Variants in OR3A1 observed in about 807,000 individuals in gnomAD.
OR3A1 encodes the protein olfactory receptor family 3 subfamily A member 1, also known as olfactory receptor 3A1.
For synonymous variants in OR3A1, 145 were observed against 160.0 expected, an observed-to-expected ratio of 0.91 and a Z score of 0.71; for missense variants, 402 against 393.8, an observed-to-expected ratio of 1.02 and a Z score of -0.18.
Position 3,292,598 on chromosome 17 carries a change from A to G in OR3A1, c.-6-10T>C, listed in dbSNP as rs2150622395. 1 of 1,575,906 alleles carries G rather than the reference A, an allele frequency of 6.3e-7. No homozygotes were observed. Among genetic ancestry groups the G allele is most frequent in the East Asian group, 2.2e-5 (1 of 44,488 alleles). On this transcript the variant is annotated splice_polypyrimidine_tract_variant and intron_variant, in intron 1 of 1. Coordinates refer to ENST00000323404, the MANE Select transcript of OR3A1 (RefSeq NM_002550.3). ...CTGGCTGCATGAGTTCCTGCAAAGA[A>G]ACATCCAGGGAGGAAAAGAATCACT... is the stretch of plus-strand genomic sequence containing the variant.
chr17:3,293,026 G>A (rs552007029), intron 1 of OR3A1, among the ~76,000 whole-genome samples: 1 of 152,110 alleles, frequency 6.6e-6, no homozygotes, highest in African/African-American at 2.4e-5. Context: ...ACTAGTAAGT[G>A]TCCACAACCC....
At chr17:3,292,869 A>G (rs1567544902) in intron 1 of OR3A1, among the ~76,000 whole-genome samples, 1 of 152,152 alleles carries the variant, frequency 6.6e-6, no homozygotes. Context: ...TGTAAAGATT[A>G]TGAAAGACAA....
Position 3,291,846 on chromosome 17 carries a change from G to T in OR3A1, c.737C>A (p.Ser246Tyr), listed in dbSNP as rs769108851. The change falls in exon 2 of 2, where the codon TCC (serine) becomes TAC (tyrosine). Residue 246 changes from serine (S) to tyrosine (Y), a missense_variant. Coordinates refer to ENST00000323404, the MANE Select transcript of OR3A1 (RefSeq NM_002550.3). ...GAATATGGCAACCACAGTGAGGTGG[G>T]AGCCACATGTGGAGAAGGCTTTCTT... ...GRKKAFSTCG[S>Y]HLTVVAIFYG... The T allele has an allele frequency of 2.5e-6, 4 of 1,614,060 alleles. No homozygotes were observed. The South Asian group carries it at 4.4e-5, about 18-fold the overall frequency.
At position 3,291,798 on chromosome 17, in the gene OR3A1, T is replaced by C. The variant is rs762486329; in HGVS notation, c.785A>G (p.Tyr262Cys). 15 of 1,613,722 alleles carry C rather than the reference T, an allele frequency of 9.3e-6. No homozygotes were observed. The highest frequency in any genetic ancestry group is 1.3e-5 in the African/African-American group (1 of 75,040). ...AIFYGSGIFNYMRLGSTKLSD... is the reference protein window; with the variant it reads ...AIFYGSGIFNCMRLGSTKLSD... Reference sequence around the variant, plus strand: ...AAGCTTGGTTGAACCCAGTCGCATATAGTTAAAGATACCTGAACCATAGAA... The same window carrying C: ...AAGCTTGGTTGAACCCAGTCGCATACAGTTAAAGATACCTGAACCATAGAA... Residue 262 changes from tyrosine (Y) to cysteine (C), a missense_variant, in exon 2 of 2, where the codon TAT (tyrosine) becomes TGT (cysteine). Tyr to Cys is a radical substitution (Grantham distance 194, BLOSUM62 -2). Coordinates refer to ENST00000323404, the MANE Select transcript of OR3A1 (RefSeq NM_002550.3).
rs767101570 is a variant in OR3A1, at chr17:3,292,494, A to G, written c.89T>C (p.Val30Ala). The change falls in exon 2 of 2, where the codon GTC becomes GCC. Residue 30 changes from valine to alanine, a missense_variant. Val to Ala is a moderately conservative substitution (Grantham distance 64, BLOSUM62 0). Transcript: ENST00000323404. ...GTAGGCAAAGAGGAAGAGCACAAAGACAACTGGCTGCAGCCCTGGCGCCTC... is the reference window on the plus strand; with the variant it reads ...GTAGGCAAAGAGGAAGAGCACAAAGGCAACTGGCTGCAGCCCTGGCGCCTC... ...LLEAPGLQPV[V>A]FVLFLFAYLV... 29 of 1,613,764 alleles carry G rather than the reference A, an allele frequency of 1.8e-5. No homozygotes were observed. Among genetic ancestry groups the G allele is most frequent in the Non-Finnish European group, 2.5e-5 (29 of 1,179,978 alleles).
Position 3,292,451 on chromosome 17 carries a change from G to A in OR3A1, c.132C>T (p.Gly44=), listed in dbSNP as rs756598283. Residue 44 remains glycine (G), a synonymous_variant, in exon 2 of 2, where the codon GGC becomes GGT. Transcript: ENST00000323404. The stretch of plus-strand genomic sequence containing the variant: ...AGACAGCTGCCAGGATGCTGAGGTT[G>A]CCCCTGACCGTGACCAGGTAGGCAA... The part of the protein sequence containing the change: ...FLFAYLVTVR[G]NLSILAAVLV... 6.2e-6 allele frequency: 10 copies of A among 1,613,862 alleles called. No homozygotes were observed. Among genetic ancestry groups the A allele is most frequent in the Non-Finnish European group, 8.5e-6 (10 of 1,179,948 alleles).
At chr17:3,295,804 A>T (rs892760653) in intron 1 of OR3A1, among the ~76,000 whole-genome samples, 1 of 150,634 alleles carries the variant, frequency 6.6e-6, no homozygotes, top group African/African-American at 2.4e-5. Context: ...TTTGAATTCA[A>T]AAAAGTCAGT....
intron 1 of OR3A1, among the ~76,000 whole-genome samples, chr17:3,295,215 A>ATTT (rs2048909960): frequency 6.6e-6 from 1 of 152,158 alleles, no homozygotes; most frequent in South Asian, 2.1e-4. Flanking sequence ...CTATAGCTGA[A>ATTT]TGTTAAAAGA....
chr17:3,291,607 CAG>C lies in OR3A1; in HGVS notation c.*26_*27del. On this transcript the variant is annotated 3_prime_UTR_variant, in exon 2 of 2. Coordinates refer to ENST00000323404, the MANE Select transcript of OR3A1 (RefSeq NM_002550.3). ...AAGACTTTTCCTTTAGTACAAGACA[CAG>C]GGAGAAAGGGTCAATTGAGACCTCC... The C allele has an allele frequency of 6.5e-7, 1 of 1,531,894 alleles. No individual in the cohort carries two copies. The allele number at this position is 1,531,894 out of a possible 1,614,324, so 94.9% of individuals were successfully genotyped here. A position where few individuals can be genotyped will look rare whatever the true frequency, so the allele number is the denominator to read the frequency against.
At chr17:3,293,600 A>G (rs1295757281) in intron 1 of OR3A1, among the ~76,000 whole-genome samples, 2 of 152,192 alleles carry the variant, frequency 1.3e-5, no homozygotes, top group African/African-American at 4.8e-5. Context: ...AAGAAAAAAG[A>G]GGTAAATAAA....
At chr17:3,295,217 G>A (rs2048909990) in intron 1 of OR3A1, among the ~76,000 whole-genome samples, 1 of 152,054 alleles carries the variant, frequency 6.6e-6, no homozygotes, top group South Asian at 2.1e-4. Flanking sequence ...ATAGCTGAAT[G>A]TTAAAAGATA....
chr17:3,298,023 T>C (rs1267278967), intron 1 of OR3A1, among the ~76,000 whole-genome samples: 1 of 152,092 alleles, frequency 6.6e-6, no homozygotes, highest in Non-Finnish European at 1.5e-5. Flanking sequence ...GATGGGGTGG[T>C]TCTGAGGACT....
Position 3,292,704 on chromosome 17 carries a change from C to T in OR3A1, c.-6-116G>A, listed in dbSNP as rs923285689. ...GGCCCTCTGCCACGTTCCCTCTGTA[C>T]AAGTAAGGAATTTTGCGCTCCTTAG... On this transcript the variant is annotated intron_variant, in intron 1 of 1. Transcript: ENST00000323404. The T allele has an allele frequency of 1.8e-5, 15 of 828,882 alleles. No individual in the cohort carries two copies. The African/African-American group carries it at 2.1e-4, about 11-fold the overall frequency. The allele number at this position is 828,882 out of a possible 1,614,324, so 51.3% of individuals were successfully genotyped here.
rs1024636533 is a variant in OR3A1, at chr17:3,291,576, C to G, written c.*59G>C. The stretch of plus-strand genomic sequence containing the variant: ...GAACCATTTTTTTCCTAGTTTCTGG[C>G]TCTAGAAGACTTTTCCTTTAGTACA... On this transcript the variant is annotated 3_prime_UTR_variant, in exon 2 of 2. Transcript: ENST00000323404. 48 of 1,390,298 alleles carry G rather than the reference C, an allele frequency of 3.5e-5. No homozygotes were observed. Among genetic ancestry groups the G allele is most frequent in the Middle Eastern group, 2.0e-4 (1 of 5,106 alleles). 86.1% of individuals were successfully genotyped at this position (1,390,298 alleles called of 1,614,324 possible). A position where few individuals can be genotyped will look rare whatever the true frequency, so the allele number is the denominator to read the frequency against.
In OR3A1 at chr17:3,292,515, G is replaced by A. The variant is rs778267515; in HGVS notation, c.68C>T (p.Ala23Val). Reference protein sequence around the residue: ...AEFILLGLLEAPGLQPVVFVL... With the variant: ...AEFILLGLLEVPGLQPVVFVL... The stretch of plus-strand genomic sequence containing the variant: ...AAAGACAACTGGCTGCAGCCCTGGC[G>A]CCTCCAGCAAGCCCAGCAGGATGAA... Residue 23 changes from alanine (A) to valine (V), a missense_variant, in exon 2 of 2, where the codon GCG becomes GTG. Ala to Val is a moderately conservative substitution (Grantham distance 64). Transcript: ENST00000323404. 2.7e-5 allele frequency: 44 copies of A among 1,613,770 alleles called. No homozygotes were observed. Among genetic ancestry groups the A allele is most frequent in the South Asian group, 2.6e-4 (24 of 91,076 alleles).
chr17:3,293,687 C>A (rs539398724), intron 1 of OR3A1, among the ~76,000 whole-genome samples: 2 of 152,178 alleles, frequency 1.3e-5, no homozygotes, highest in Admixed American at 6.5e-5. Context: ...TGTTACCTGG[C>A]AAAGACATGG....
In OR3A1 at chr17:3,291,600, C is replaced by G. The variant is rs371054292; in HGVS notation, c.*35G>C. On this transcript the variant is annotated 3_prime_UTR_variant, in exon 2 of 2. Coordinates refer to ENST00000323404, the MANE Select transcript of OR3A1 (RefSeq NM_002550.3). The stretch of plus-strand genomic sequence containing the variant: ...GCTCTAGAAGACTTTTCCTTTAGTA[C>G]AAGACACAGGGAGAAAGGGTCAATT... The G allele has an allele frequency of 2.0e-6, 3 of 1,512,922 alleles. No homozygotes were observed. The Admixed American group carries it at 6.1e-5, about 31-fold the overall frequency. 93.7% of individuals were successfully genotyped at this position (1,512,922 alleles called of 1,614,324 possible).
At position 3,291,232 on chromosome 17, in the gene OR3A1, G is replaced by C. The variant is rs543183578; in HGVS notation, c.*403C>G. The C allele has an allele frequency of 1.2e-5, 2 of 171,016 alleles. No individual in the cohort carries two copies. Among genetic ancestry groups the C allele is most frequent in the South Asian group, 3.6e-4 (2 of 5,598 alleles). The allele number at this position is 171,016 out of a possible 1,614,324, so 10.6% of individuals were successfully genotyped here. On this transcript the variant is annotated 3_prime_UTR_variant, in exon 2 of 2. Coordinates refer to ENST00000323404, the MANE Select transcript of OR3A1 (RefSeq NM_002550.3). ...TCTCTAGACCTATGTTTTATAAACA[G>C]ACCAAGCACACCTGAACTTGAGGGA...
rs140580673 is a variant in OR3A1 at position 3,291,305 on chromosome 17, A to C, written c.*330T>G. The stretch of plus-strand genomic sequence containing the variant: ...GTTTTCTGGGGTACTTCTGGCAACT[A>C]AGGCTGTAACCAACCAAAGAGTCAT... On this transcript the variant is annotated 3_prime_UTR_variant, in exon 2 of 2. Transcript: ENST00000323404. The C allele has an allele frequency of 5.0e-3, 1,157 of 229,734 alleles. 12 individuals carry two copies. The highest frequency in any genetic ancestry group is 0.02 in the African/African-American group (899 of 44,310). The allele number at this position is 229,734 out of a possible 1,614,324, so 14.2% of individuals were successfully genotyped here.
Sources: gnomAD v4.1 joint callset for allele counts (sites outside exome capture counted in the v4.1 genomes callset) on GRCh38, gnomAD v4.1.1 for gene constraint, MANE v1.5 for transcripts, NCBI Gene and HGNC (gene_info 2026-07-23, HGNC 2026-07-21) for gene names.